The following ARHGAP15 variants were observed in gnomAD, a reference collection of about 807,000 sequenced individuals.
ARHGAP15 encodes Rho GTPase activating protein 15, also known as rho GTPase-activating protein 15.
ARHGAP15 carries 51 observed loss-of-function variants against 63.7 expected under a neutral mutation model. The ratio of observed to expected loss-of-function variants is 0.80; its 90% CI spans 0.64 to 1.01. The LOEUF is 1.01. ARHGAP15 is among the 50% of genes least tolerant of loss of function. The probability of loss-of-function intolerance (pLI) is 0.00; values close to 1 mark genes in which losing one functional copy is unlikely to be tolerated. For missense variants in ARHGAP15, 560 were observed against 564.6 expected, an observed-to-expected ratio of 0.99 and a Z score of 0.08; for synonymous variants, 191 against 193.8, an observed-to-expected ratio of 0.99 and a Z score of 0.12.
At chr2:143,424,608 T>A (rs1220217862) in intron 6 of ARHGAP15, among the ~76,000 whole-genome samples, 1 of 152,104 alleles carries the variant, frequency 6.6e-6, no homozygotes, top group Non-Finnish European at 1.5e-5. Context: ...ACCTGTGTTG[T>A]CCTCTTACCC....
At chr2:143,499,630 T>C (rs889204064) in intron 9 of ARHGAP15, among the ~76,000 whole-genome samples, 6 of 152,148 alleles carry the variant, frequency 3.9e-5, no homozygotes, top group African/African-American at 1.4e-4. Context: ...ACAGGGAACA[T>C]TTAAAGTTAA....
At chr2:143,579,039 T>C (rs950005055) in intron 11 of ARHGAP15, among the ~76,000 whole-genome samples, 1 of 152,176 alleles carries the variant, frequency 6.6e-6, no homozygotes, top group Admixed American at 6.6e-5. Context: ...ATGCTAAGTA[T>C]GCAAAACCTG....
Position 143,703,524 on chromosome 2 carries a change from A to C in ARHGAP15, c.1244A>C (p.Lys415Thr). The change falls in exon 13 of 14, where the codon AAG becomes ACG. Residue 415 changes from lysine (K) to threonine (T), a missense_variant and splice_region_variant. Lys to Thr is a moderately conservative substitution (Grantham distance 78, BLOSUM62 -1). Coordinates refer to ENST00000295095, the MANE Select transcript of ARHGAP15 (RefSeq NM_018460.4). ...TMKVLFGHLT[K>T]IVAKASKNLM... The stretch of plus-strand genomic sequence containing the variant: ...AAAGTCCTCTTTGGACATCTAACTA[A>C]GTAAGTTGTAAGGATTTCTGGATGT... The C allele has an allele frequency of 2.5e-6, 4 of 1,600,222 alleles. No individual in the cohort carries two copies. Among genetic ancestry groups the C allele is most frequent in the Non-Finnish European group, 3.4e-6 (4 of 1,173,676 alleles).
At chr2:143,382,414 G>GCC (rs1401929525) in intron 6 of ARHGAP15, among the ~76,000 whole-genome samples, 5 of 152,102 alleles carry the variant, frequency 3.3e-5, no homozygotes, top group Non-Finnish European at 5.9e-5. Context: ...GATCATCCAA[G>GCC]CCTCTGCCTT....
At chr2:143,243,436 G>A (rs1693937632) in intron 5 of ARHGAP15, among the ~76,000 whole-genome samples, 1 of 152,022 alleles carries the variant, frequency 6.6e-6, no homozygotes, top group Admixed American at 6.6e-5. Context: ...TTCTATTTAA[G>A]TATTTTAAAA....
At chr2:143,550,489 A>G (rs977403586) in intron 10 of ARHGAP15, among the ~76,000 whole-genome samples, 3 of 152,234 alleles carry the variant, frequency 2.0e-5, no homozygotes, top group African/African-American at 7.2e-5. Flanking sequence ...GGTCATCACC[A>G]GCCACGTGTG....
At position 143,596,885 on chromosome 2, in the gene ARHGAP15, G is replaced by A. The variant is rs537394395; in HGVS notation, c.1004-27248G>A. Among the ~76,000 whole-genome samples, 19 of 152,086 alleles carry A rather than the reference G, an allele frequency of 1.2e-4. No homozygotes were observed. The East Asian group carries it at 3.5e-3, about 28-fold the overall frequency. On this transcript the variant is annotated intron_variant, in intron 11 of 13. Transcript: ENST00000295095. ...TTAAGTGTTTTTAATTATTTTAGAG[G>A]TATCTATGTATCTTCACAAAAGTAA...
chr2:143,333,392 C>T (rs182513575), intron 6 of ARHGAP15, among the ~76,000 whole-genome samples: 92 of 152,242 alleles, frequency 6.0e-4, no homozygotes, highest in African/African-American at 2.0e-3. Context: ...GTAACTCATT[C>T]GAGCCCTTCT....
chr2:143,556,204 A>C (rs1458603789), intron 10 of ARHGAP15, among the ~76,000 whole-genome samples: 1 of 152,010 alleles, frequency 6.6e-6, no homozygotes, highest in East Asian at 1.9e-4. Flanking sequence ...ATTAGACCCA[A>C]ATTTATTGAT....
chr2:143,410,860 G>T (rs1034141801), intron 6 of ARHGAP15, among the ~76,000 whole-genome samples: 4 of 151,012 alleles, frequency 2.6e-5, no homozygotes, highest in African/African-American at 9.7e-5. Context: ...GTTGATGACA[G>T]GGATTTATAT....
At chr2:143,403,877 C>T (rs1365189109) in intron 6 of ARHGAP15, among the ~76,000 whole-genome samples, 1 of 151,506 alleles carries the variant, frequency 6.6e-6, no homozygotes, top group Non-Finnish European at 1.5e-5. Flanking sequence ...CCAGAGACAA[C>T]TATCCATGCA....
At chr2:143,428,302 A>G (rs1029052536) in intron 6 of ARHGAP15, among the ~76,000 whole-genome samples, 7 of 151,984 alleles carry the variant, frequency 4.6e-5, no homozygotes, top group African/African-American at 1.7e-4. Flanking sequence ...GTGGAAATGC[A>G]GAGGAAAATG....
intron 2 of ARHGAP15, among the ~76,000 whole-genome samples, chr2:143,187,065 G>T (rs892643593): frequency 6.6e-6 from 1 of 152,016 alleles, no homozygotes; most frequent in Non-Finnish European, 1.5e-5. Flanking sequence ...CCCCTCACCC[G>T]CTAATAACAG....
At chr2:143,737,887 G>A (rs1380592379) in intron 13 of ARHGAP15, among the ~76,000 whole-genome samples, 1 of 152,064 alleles carries the variant, frequency 6.6e-6, no homozygotes, top group African/African-American at 2.4e-5. Flanking sequence ...CTTCTGAGTA[G>A]CTGGAATTAC....
At chr2:143,441,146 G>A (rs1689860453) in intron 8 of ARHGAP15, among the ~76,000 whole-genome samples, 1 of 152,084 alleles carries the variant, frequency 6.6e-6, no homozygotes, top group Non-Finnish European at 1.5e-5. Context: ...CACTGAGACA[G>A]GGCTTGAGCC....
At chr2:143,216,108 A>G (rs1283291457) in intron 3 of ARHGAP15, among the ~76,000 whole-genome samples, 1 of 152,194 alleles carries the variant, frequency 6.6e-6, no homozygotes, top group Non-Finnish European at 1.5e-5. Context: ...TTTTTTAAAC[A>G]AGTGACTTCA....
chr2:143,149,475 A>G (rs183514551), intron 1 of ARHGAP15, among the ~76,000 whole-genome samples: 63 of 152,116 alleles, frequency 4.1e-4, no homozygotes, highest in African/African-American at 1.5e-3. Flanking sequence ...CTGAAACTCA[A>G]GGAAGACTAT....
At chr2:143,577,978 A>G (rs1306856605) in intron 11 of ARHGAP15, among the ~76,000 whole-genome samples, 1 of 152,180 alleles carries the variant, frequency 6.6e-6, no homozygotes, top group Non-Finnish European at 1.5e-5. Flanking sequence ...CACTCAGGCA[A>G]TTCTCTTACT....
intron 10 of ARHGAP15, among the ~76,000 whole-genome samples, chr2:143,555,925 T>TAGAATAGAAC (rs1428740193): frequency 4.0e-5 from 5 of 124,474 alleles, no homozygotes; most frequent in South Asian, 2.6e-4. Context: ...TAGAATAGAA[T>TAGAATAGAAC]AGAACAGAGT....
Sources: gnomAD v4.1 joint callset for allele counts (sites outside exome capture counted in the v4.1 genomes callset) on GRCh38, gnomAD v4.1.1 for gene constraint, MANE v1.5 for transcripts, NCBI Gene and HGNC (gene_info 2026-07-23, HGNC 2026-07-21) for gene names.